The following LPAR1 variants were observed in gnomAD, a reference collection of about 807,000 sequenced individuals.
The protein encoded by LPAR1 is lysophosphatidic acid receptor 1.
LPAR1 carries 5 observed loss-of-function variants against 23.8 expected under a neutral mutation model. The observed-to-expected ratio is 0.21, with a 90% CI of 0.11 to 0.44. LPAR1 has a LOEUF of 0.44. Among genes scored for constraint, LPAR1 ranks in the 20% least tolerant of loss-of-function variants. The probability of loss-of-function intolerance (pLI) is 0.99; values close to 1 mark genes in which losing one functional copy is unlikely to be tolerated. For missense variants in LPAR1, 311 were observed against 482.8 expected (o/e 0.64, Z 3.33); for synonymous variants, 160 against 164.7 (o/e 0.97, Z 0.22).
At chr9:111,020,801 A>G (rs1017368354) in intron 2 of LPAR1, among the ~76,000 whole-genome samples, 1 of 152,104 alleles carries the variant, frequency 6.6e-6, no homozygotes, top group African/African-American at 2.4e-5. Context: ...GTTTCCATAT[A>G]ATAATCAGCT....
intron 2 of LPAR1, among the ~76,000 whole-genome samples, chr9:111,034,846 C>T (rs2097862183): frequency 6.6e-6 from 1 of 152,144 alleles, no homozygotes; most frequent in Non-Finnish European, 1.5e-5. Flanking sequence ...CAATTTGTCC[C>T]TTCGTAACTT....
intron 2 of LPAR1, among the ~76,000 whole-genome samples, chr9:111,017,787 C>T (rs998347190): frequency 6.6e-6 from 1 of 151,992 alleles, no homozygotes; most frequent in Non-Finnish European, 1.5e-5. Flanking sequence ...TTTGGGAGGC[C>T]GAGGCAGGCG....
chr9:111,038,879 G>C (rs1337257380), upstream of LPAR1, among the ~76,000 whole-genome samples: 1 of 151,552 alleles, frequency 6.6e-6, no homozygotes, highest in Non-Finnish European at 1.5e-5. This position sits in a 1 kb window ranked among gnomAD's most constrained non-coding sequence, Gnocchi z 4.4. Flanking sequence ...CCCCAGCGCC[G>C]GACAGCTGGC....
At chr9:110,912,907 G>A (rs1325021296) in intron 5 of LPAR1, among the ~76,000 whole-genome samples, 1 of 152,152 alleles carries the variant, frequency 6.6e-6, no homozygotes, top group Non-Finnish European at 1.5e-5. Flanking sequence ...TAGCTAAACA[G>A]AGCAACTGGT....
At chr9:111,024,833 G>C (rs2097656607) in intron 2 of LPAR1, among the ~76,000 whole-genome samples, 1 of 151,990 alleles carries the variant, frequency 6.6e-6, no homozygotes, top group African/African-American at 2.4e-5. Flanking sequence ...AGTTTGCTGA[G>C]AATGATGGTT....
intron 5 of LPAR1, among the ~76,000 whole-genome samples, chr9:110,884,881 C>T (rs1410764216): frequency 6.6e-6 from 1 of 152,086 alleles, no homozygotes; most frequent in African/African-American, 2.4e-5. Flanking sequence ...TTGATGGATC[C>T]TTGATGTCTC....
intron 5 of LPAR1, among the ~76,000 whole-genome samples, chr9:110,892,344 TTTC>T (rs1186519329): frequency 1.2e-4 from 19 of 152,100 alleles, no homozygotes; most frequent in African/African-American, 4.1e-4. Flanking sequence ...CTATCTTTAG[TTTC>T]TTCTTCTAGT....
intron 4 of LPAR1, among the ~76,000 whole-genome samples, chr9:110,948,385 C>A (rs1193099849): frequency 2.0e-5 from 3 of 152,030 alleles, no homozygotes; most frequent in Non-Finnish European, 4.4e-5. Flanking sequence ...TACTTAAAAT[C>A]GCTGAAGAAT....
intron 2 of LPAR1, among the ~76,000 whole-genome samples, chr9:111,034,132 G>T (rs749216592): frequency 6.6e-6 from 1 of 152,208 alleles, no homozygotes; most frequent in African/African-American, 2.4e-5. Flanking sequence ...TAAACTTAAA[G>T]AATTCTCATG....
chr9:111,012,836 G>A (rs2097359894), intron 2 of LPAR1, among the ~76,000 whole-genome samples: 2 of 152,152 alleles, frequency 1.3e-5, no homozygotes, highest in Non-Finnish European at 2.9e-5. Flanking sequence ...AGAAAGGAGA[G>A]GAAGAAGGAA....
Position 110,874,362 on chromosome 9 carries a change from C to T in LPAR1, c.*1059G>A, listed in dbSNP as rs954381147. 9.8e-5 allele frequency: 15 copies of T among 152,514 alleles called. No individual in the cohort carries two copies. Among genetic ancestry groups the T allele is most frequent in the African/African-American group, 3.6e-4 (15 of 41,394 alleles). 9.4% of individuals were successfully genotyped at this position (152,514 alleles called of 1,614,324 possible). A position where few individuals can be genotyped will look rare whatever the true frequency, so the allele number is the denominator to read the frequency against. ...GTGGCAATTTTGCAATGAAAAAGAT[C>T]TACTTATAAAACTGTTTACAGTATG... On this transcript the variant is annotated 3_prime_UTR_variant, in exon 6 of 6. Coordinates refer to ENST00000683809, the MANE Select transcript of LPAR1 (RefSeq NM_001351411.2).
chr9:110,944,708 A>G (rs916766539), intron 4 of LPAR1, among the ~76,000 whole-genome samples: 2 of 152,230 alleles, frequency 1.3e-5, no homozygotes, highest in African/African-American at 4.8e-5. Context: ...ATGTACAAAG[A>G]TGAGTAAAAC....
At chr9:110,924,479 G>A (rs761299413) in intron 5 of LPAR1, among the ~76,000 whole-genome samples, 7 of 150,090 alleles carry the variant, frequency 4.7e-5, no homozygotes, top group Admixed American at 1.4e-4. Flanking sequence ...ATTATGGAAG[G>A]TAAAATTCTA....
intron 2 of LPAR1, among the ~76,000 whole-genome samples, chr9:110,976,582 T>C (rs1015908067): frequency 7.9e-5 from 12 of 152,074 alleles, no homozygotes; most frequent in Admixed American, 7.2e-4. Flanking sequence ...TAACTCTCCA[T>C]TTCCTTTGCT....
In LPAR1 at chr9:110,973,521, G is replaced by T. The variant is rs866609042; in HGVS notation, c.-144C>A. 2 of 152,244 alleles carry T rather than the reference G, an allele frequency of 1.3e-5. No homozygotes were observed. The highest frequency in any genetic ancestry group is 2.9e-5 in the Non-Finnish European group (2 of 68,044). 9.4% of individuals were successfully genotyped at this position (152,244 alleles called of 1,614,324 possible). On this transcript the variant is annotated 5_prime_UTR_variant, in exon 3 of 6. In the 5' UTR this introduces an upstream ATG that the reference lacks. Transcript: ENST00000683809. ...TCAGTCCTGAGAAGTCAGGTACTCA[G>T]ATAGGTGGATGGGGAGCTTCATAAA...
At chr9:110,953,426 G>A (rs1394877749) in intron 4 of LPAR1, among the ~76,000 whole-genome samples, 3 of 152,198 alleles carry the variant, frequency 2.0e-5, no homozygotes, top group Non-Finnish European at 2.9e-5. Flanking sequence ...CACTTTGGGA[G>A]GCCGAGGTGG....
intron 2 of LPAR1, among the ~76,000 whole-genome samples, chr9:110,985,493 C>T (rs1162551917): frequency 6.6e-6 from 1 of 152,088 alleles, no homozygotes; most frequent in South Asian, 2.1e-4. Flanking sequence ...CCTGCGCACA[C>T]TGACTGCAGA....
At chr9:110,917,989 A>C (rs1329194496) in intron 5 of LPAR1, among the ~76,000 whole-genome samples, 2 of 152,094 alleles carry the variant, frequency 1.3e-5, no homozygotes, top group African/African-American at 4.8e-5. Context: ...TGTAGCCTCC[A>C]CCTACAGGCC....
At chr9:110,925,528 A>G (rs2093951883) in intron 5 of LPAR1, among the ~76,000 whole-genome samples, 1 of 152,198 alleles carries the variant, frequency 6.6e-6, no homozygotes, top group African/African-American at 2.4e-5. Flanking sequence ...ATAAATATAC[A>G]AACTAACGAG....
Sources: allele counts gnomAD v4.1 joint callset (sites outside exome capture counted in the v4.1 genomes callset), GRCh38; gene constraint gnomAD v4.1.1; non-coding constraint Gnocchi (gnomAD v3.1); transcripts MANE v1.5; gene names NCBI Gene and HGNC (gene_info 2026-07-23, HGNC 2026-07-21).